The following SPATA9 variants were observed in gnomAD, a reference collection of about 807,000 sequenced individuals.
SPATA9 encodes spermatogenesis-associated protein 9.
In SPATA9, 27 loss-of-function variants were observed where a neutral mutation model predicts 25.5. The ratio of observed to expected loss-of-function variants is 1.06; its 90% CI spans 0.78 to 1.46. The LOEUF is 1.46. SPATA9 is among the 40% of genes most tolerant of loss of function. The probability of loss-of-function intolerance (pLI) is 0.00; values close to 1 mark genes in which losing one functional copy is unlikely to be tolerated. For missense variants in SPATA9, 282 were observed against 297.5 expected (o/e 0.95, Z 0.38); for synonymous variants, 102 against 105.7 (o/e 0.97, Z 0.21).
At chr5:95,716,434 T>C in the SPATA9 span, among the ~76,000 whole-genome samples, 22 of 152,380 alleles carry the variant, frequency 1.4e-4, no homozygotes, top group South Asian at 4.3e-3. Flanking sequence ...ATTTAGGACT[T>C]GCATGGGGCC....
At chr5:95,687,089 GA>G (rs1172446453), upstream of SPATA9, among the ~76,000 whole-genome samples, 1 of 152,100 alleles carries the variant, frequency 6.6e-6, no homozygotes, top group African/African-American at 2.4e-5. Flanking sequence ...GATCCCAAAG[GA>G]AACATGAAGG....
At chr5:95,675,702 T>G in intron 2 of SPATA9, 63 bp from the exon 3 acceptor site, 1 of 1,378,842 alleles carries the variant, frequency 7.3e-7, no homozygotes, top group Non-Finnish European at 1.0e-6. Context: ...TAAAACTACT[T>G]CCGGCAGAGA....
the SPATA9 span, among the ~76,000 whole-genome samples, chr5:95,724,043 T>C: frequency 6.6e-6 from 1 of 152,232 alleles, no homozygotes; most frequent in African/African-American, 2.4e-5. Context: ...TTGATAACGA[T>C]ACATACATTA....
upstream of SPATA9, among the ~76,000 whole-genome samples, chr5:95,703,502 C>T (rs1211085268): frequency 6.6e-6 from 1 of 152,038 alleles, no homozygotes; most frequent in Non-Finnish European, 1.5e-5. Context: ...GGCCTGGTGC[C>T]ACACGCCAGT....
chr5:95,728,475 C>T, the SPATA9 span, among the ~76,000 whole-genome samples: 1 of 152,318 alleles, frequency 6.6e-6, no homozygotes, highest in Admixed American at 6.5e-5. Context: ...TCTTTATGAA[C>T]TTCTGACACA....
chr5:95,684,071 A>G (rs971206380), upstream of SPATA9, among the ~76,000 whole-genome samples: 2 of 152,002 alleles, frequency 1.3e-5, no homozygotes, highest in Non-Finnish European at 2.9e-5. Flanking sequence ...TTAGTCCACA[A>G]TCTGCCTTAG....
intron 1 of SPATA9, among the ~76,000 whole-genome samples, chr5:95,692,389 T>G (rs1753916282): frequency 6.6e-6 from 1 of 152,146 alleles, no homozygotes; most frequent in Non-Finnish European, 1.5e-5. Flanking sequence ...CATTAAAATT[T>G]TCTTATTTGG....
rs183265656 is a variant in SPATA9 at position 95,693,076 on chromosome 5, A to G, written n.124+5512T>C. ...TTTCCTTGCATTCTTCATTTTCTTC[A>G]TTGTTTTTGTATTATATCAAGGGCT... On this transcript the variant is annotated intron_variant and non_coding_transcript_variant, in intron 1 of 2. Coordinates refer to the SPATA9 transcript ENST00000379990. Among the ~76,000 whole-genome samples the G allele has an allele frequency of 3.4e-3, 523 of 152,282 alleles. 5 individuals are homozygous for G. Among genetic ancestry groups the G allele is most frequent in the Non-Finnish European group, 4.3e-3 (291 of 68,010 alleles).
chr5:95,702,272 C>T (rs754857473), upstream of SPATA9, among the ~76,000 whole-genome samples: 43 of 152,106 alleles, frequency 2.8e-4, no homozygotes, highest in Non-Finnish European at 4.9e-4. Flanking sequence ...TGGTAGAGAA[C>T]CACAGCACAT....
At chr5:95,703,141 T>C (rs575606183), upstream of SPATA9, among the ~76,000 whole-genome samples, 1 of 152,356 alleles carries the variant, frequency 6.6e-6, no homozygotes, top group South Asian at 2.1e-4. Context: ...AGGGCTAAAA[T>C]CCTCACTTCA....
At chr5:95,661,849 C>A (rs952483142) in intron 4 of SPATA9, among the ~76,000 whole-genome samples, 3 of 151,904 alleles carry the variant, frequency 2.0e-5, no homozygotes, top group Non-Finnish European at 2.9e-5. Flanking sequence ...CACACACATG[C>A]ACACACCTGC....
chr5:95,712,864 AG>A, the SPATA9 span, among the ~76,000 whole-genome samples: 21 of 152,260 alleles, frequency 1.4e-4, no homozygotes, highest in African/African-American at 4.6e-4. Flanking sequence ...TAGAACAAAC[AG>A]GGAATGCCTT....
At chr5:95,731,743 G>A in the SPATA9 span, 1 of 1,609,984 alleles carries the variant, frequency 6.2e-7, no homozygotes, top group East Asian at 2.2e-5. Flanking sequence ...TGCGCCCCAG[G>A]GACAGGGGCT....
chr5:95,689,626 A>G (rs73149655), intron 1 of SPATA9, among the ~76,000 whole-genome samples: 2,495 of 152,254 alleles, frequency 0.016, 68 homozygotes, highest in African/African-American at 0.057. Context: ...GTTATTTGAA[A>G]TTATTTTTCT....
chr5:95,669,230 A>G (rs1437422987), intron 3 of SPATA9, among the ~76,000 whole-genome samples: 2 of 152,174 alleles, frequency 1.3e-5, no homozygotes, highest in African/African-American at 2.4e-5. Context: ...CCCTTTGCCA[A>G]CGTGGAGGAG....
At chr5:95,673,207 CTCT>C (rs1752579737) in intron 3 of SPATA9, among the ~76,000 whole-genome samples, 1 of 152,148 alleles carries the variant, frequency 6.6e-6, no homozygotes, top group Non-Finnish European at 1.5e-5. Context: ...TTCAAGGTTC[CTCT>C]CTCCTGTGAT....
the SPATA9 span, among the ~76,000 whole-genome samples, chr5:95,711,124 C>T: frequency 1.3e-5 from 2 of 152,108 alleles, no homozygotes; most frequent in Non-Finnish European, 2.9e-5. Flanking sequence ...CGAGCGGCTC[C>T]CTTAATACCC....
At position 95,669,574 on chromosome 5, in the gene SPATA9, T is replaced by C. The variant is rs117467093; in HGVS notation, c.379-5526A>G. 9.0e-4 allele frequency among the ~76,000 whole-genome samples: 137 copies of C among 152,292 alleles called. 2 individuals carry two copies. The East Asian group carries it at 0.025, about 28-fold the overall frequency. ...ATTCTATACCATGCCGCAGTATGCA[T>C]ACAAAGTAAAAACAGTCAACTCTAA... On this transcript the variant is annotated intron_variant, in intron 3 of 4. Transcript: ENST00000274432.
intron 4 of SPATA9, among the ~76,000 whole-genome samples, chr5:95,660,134 G>C (rs537787240): frequency 4.6e-5 from 7 of 152,174 alleles, no homozygotes; most frequent in Non-Finnish European, 7.3e-5. Context: ...GTTCTGGAGA[G>C]TGGGAAATCC....
Sources: gnomAD v4.1 joint callset for allele counts (sites outside exome capture counted in the v4.1 genomes callset) on GRCh38, gnomAD v4.1.1 for gene constraint, MANE v1.5 for transcripts, NCBI Gene and HGNC (gene_info 2026-07-23, HGNC 2026-07-21) for gene names.